DNAH6: variants seen among roughly 807,000 people sequenced by gnomAD.
DNAH6 encodes the protein axonemal beta dynein heavy chain 6.
Under a neutral mutation model 491.4 loss-of-function variants are expected in DNAH6, and 340 were observed. That is an observed-to-expected ratio of 0.69 (90% confidence interval 0.63 to 0.76). DNAH6 has a LOEUF of 0.76. DNAH6 is among the 30% of genes least tolerant of loss of function. DNAH6 has a pLI of 0.00. For synonymous variants in DNAH6, 1,603 were observed against 1,686.1 expected (o/e 0.95, Z 1.21); for missense variants, 4,443 against 4,972.2 (o/e 0.89, Z 3.20).
intron 4 of DNAH6, among the ~76,000 whole-genome samples, chr2:84,539,993 C>T (rs1678084775): frequency 6.6e-6 from 1 of 152,130 alleles, no homozygotes. Flanking sequence ...TCTTCCCAAG[C>T]ACTTGCTTGC....
rs1692800503 is a variant in DNAH6, at chr2:84,672,196, A to C, written c.6455-131A>C. The C allele has an allele frequency of 1.1e-5, 10 of 871,240 alleles. No homozygotes were observed. In the South Asian group the frequency reaches 1.9e-4, roughly 16 times the overall value. The allele number at this position is 871,240 out of a possible 1,614,324, so 54.0% of individuals were successfully genotyped here. On this transcript the variant is annotated intron_variant, in intron 39 of 76. Coordinates refer to ENST00000389394, the MANE Select transcript of DNAH6 (RefSeq NM_001370.2). ...GCCAGAAGGAAGTCTCTCCTCCTCC[A>C]GGCAGGACTCAGAACTGAGCTCTTT...
rs1294624714 is a variant in DNAH6, at chr2:84,699,729, G to A, written c.7813G>A (p.Val2605Met). Residue 2605 changes from valine (V) to methionine (M), a missense_variant, in exon 48 of 77, where the codon GTG becomes ATG. By Grantham distance (21) the Val-to-Met change is conservative. Around this residue, in one of 3 missense-constraint regions of DNAH6, gnomAD observed 2,977 missense variants for 3,296.6 expected, o/e 0.90. Transcript: ENST00000389394. ...GAATTGCTGCACCATTGACTGGTTT[G>A]TGCAGGTTGGTGACATCCCAGGATA... is the stretch of plus-strand genomic sequence containing the variant. ...LVNCCTIDWF[V>M]QWPREALLSV... 6.4e-6 allele frequency: 10 copies of A among 1,550,808 alleles called. No homozygotes were observed. The South Asian group carries it at 8.4e-5, about 13-fold the overall frequency.
chr2:84,522,547 GT>G (rs200530960), intron 2 of DNAH6, among the ~76,000 whole-genome samples: 1,850 of 152,176 alleles, frequency 0.012, 39 homozygotes, highest in African/African-American at 0.042. Context: ...TCCTTATCTT[GT>G]GCCGGTTTTC....
At chr2:84,745,962 A>G (rs1672938369) in intron 63 of DNAH6, among the ~76,000 whole-genome samples, 1 of 152,212 alleles carries the variant, frequency 6.6e-6, no homozygotes, top group African/African-American at 2.4e-5. Flanking sequence ...GAATTAAGAC[A>G]GAGGTAGTAG....
intron 29 of DNAH6, among the ~76,000 whole-genome samples, chr2:84,625,500 T>A (rs1022844975): frequency 2.6e-5 from 4 of 152,198 alleles, no homozygotes; most frequent in African/African-American, 9.6e-5. Flanking sequence ...TTTTTGGTCA[T>A]GGGACCCCTT....
intron 22 of DNAH6, among the ~76,000 whole-genome samples, chr2:84,614,127 C>G (rs1212327295): frequency 2.1e-5 from 3 of 140,368 alleles, no homozygotes; most frequent in Admixed American, 1.3e-4. Flanking sequence ...GTGCACCCAC[C>G]ACCCGCACAG....
intron 31 of DNAH6, among the ~76,000 whole-genome samples, chr2:84,639,727 A>G (rs1459201320): frequency 6.6e-6 from 1 of 152,072 alleles, no homozygotes; most frequent in African/African-American, 2.4e-5. Flanking sequence ...GCCTGTTAGT[A>G]AATATTTTTA....
At position 84,697,570 on chromosome 2, in the gene DNAH6, T is replaced by C; in HGVS notation, c.7525-5T>C. The stretch of plus-strand genomic sequence containing the variant: ...AGTTGTAATGATCACTGCTTTCTTC[T>C]ACAGATTGTAGTGGAGGAGTTCCTA... On this transcript the variant is annotated splice_polypyrimidine_tract_variant and splice_region_variant and intron_variant, in intron 46 of 76. Coordinates refer to ENST00000389394, the MANE Select transcript of DNAH6 (RefSeq NM_001370.2). The C allele has an allele frequency of 1.3e-6, 2 of 1,549,764 alleles. No homozygotes were observed. Among genetic ancestry groups the C allele is most frequent in the South Asian group, 2.4e-5 (2 of 83,626 alleles).
chr2:84,459,589 C>A, the DNAH6 span: 7 of 269,484 alleles, frequency 2.6e-5, no homozygotes, highest in Admixed American at 1.6e-4. Context: ...TTGAGTGAGG[C>A]GGCGGGAAGG....
chr2:84,567,625 T>TA (rs1681347609), intron 11 of DNAH6, among the ~76,000 whole-genome samples: 1 of 152,156 alleles, frequency 6.6e-6, no homozygotes, highest in South Asian at 2.1e-4. Context: ...ACCCCTTCCT[T>TA]ACACCTTATA....
Position 84,709,398 on chromosome 2 carries a change from C to T in DNAH6, c.9104C>T (p.Ser3035Phe). Residue 3035 changes from serine to phenylalanine, a missense_variant, in exon 55 of 77, where the codon TCC becomes TTC. Around this residue, in one of 3 missense-constraint regions of DNAH6, gnomAD observed 1,463 missense variants for 1,656.6 expected, o/e 0.88. Transcript: ENST00000389394. Reference protein sequence around the residue: ...CQSLEIPIDPSFSLINILGDP... With the variant: ...CQSLEIPIDPFFSLINILGDP... ...TCTCTGGAGATCCCAATCGATCCTT[C>T]CTTCAGTCTCATTAACATTCTTGGA... 1.9e-6 allele frequency: 3 copies of T among 1,551,678 alleles called. No homozygotes were observed. Among genetic ancestry groups the T allele is most frequent in the Non-Finnish European group, 2.6e-6 (3 of 1,147,000 alleles).
intron 41 of DNAH6, among the ~76,000 whole-genome samples, chr2:84,680,855 G>A (rs1370752698): frequency 2.6e-5 from 4 of 152,116 alleles, no homozygotes; most frequent in Admixed American, 6.5e-5. Flanking sequence ...GGTGTATAAA[G>A]AGACTTCCAA....
intron 68 of DNAH6, among the ~76,000 whole-genome samples, chr2:84,793,365 GAT>G (rs1325496103): frequency 3.3e-5 from 5 of 152,192 alleles, no homozygotes; most frequent in African/African-American, 1.2e-4. Flanking sequence ...CATGAAAAAG[GAT>G]AGAGTCAAAT....
rs565994829 is a variant in DNAH6 at position 84,684,101 on chromosome 2, A to G, written c.6917-1225A>G. On this transcript the variant is annotated intron_variant, in intron 42 of 76. Coordinates refer to ENST00000389394, the MANE Select transcript of DNAH6 (RefSeq NM_001370.2). ...CCTGAAGGACTCTCAAAGCTGGCACACCATCCTTGCCACAGGATGACAAAA... is the reference window on the plus strand; with the variant it reads ...CCTGAAGGACTCTCAAAGCTGGCACGCCATCCTTGCCACAGGATGACAAAA... 4.6e-3 allele frequency among the ~76,000 whole-genome samples: 708 copies of G among 152,320 alleles called. 6 individuals are homozygous for G. The highest frequency in any genetic ancestry group is 4.3e-3 in the Non-Finnish European group (290 of 68,032).
rs1201846574 is a variant in DNAH6, at chr2:84,705,625, G to GA, written c.8610dup (p.Val2871SerfsTer9). ...TATTAATAATCCTGATTTTGTGCCT[G>GA]AAAAAGTGGAGAAAGTGTCCAAAGC... On this transcript the variant is annotated frameshift_variant, in exon 52 of 77. Transcript: ENST00000389394. LOFTEE classifies it high-confidence loss of function. 2 of 1,551,456 alleles carry GA rather than the reference G, an allele frequency of 1.3e-6. No homozygotes were observed. Among genetic ancestry groups the GA allele is most frequent in the African/African-American group, 1.4e-5 (1 of 73,000 alleles).
At chr2:84,619,458 A>G (rs531421016) in intron 23 of DNAH6, among the ~76,000 whole-genome samples, 3 of 152,154 alleles carry the variant, frequency 2.0e-5, no homozygotes, top group Non-Finnish European at 4.4e-5. Context: ...TATGTACTAG[A>G]CACTAATTCT....
chr2:84,777,659 C>T (rs1041107342), intron 64 of DNAH6: 3 of 813,118 alleles, frequency 3.7e-6, no homozygotes, highest in African/African-American at 3.3e-5. Context: ...TACAGGCACA[C>T]TGGAATCTCC....
chr2:84,819,315 C>T lies in DNAH6; in HGVS notation c.12384C>T (p.Thr4128=), dbSNP rs1018006694. ...AGTLSTTGHS[T]NFVVTVLLPS... ...TATATCCTTAATTAGGACATTCAAC[C>T]AATTTTGTGGTAACCGTCCTGTTAC... is the stretch of plus-strand genomic sequence containing the variant. The change falls in exon 77 of 77, where the codon ACC becomes ACT. Residue 4128 remains threonine, a synonymous_variant. Transcript: ENST00000389394. 1 of 1,548,988 alleles carries T rather than the reference C, an allele frequency of 6.5e-7. No homozygotes were observed. The highest frequency in any genetic ancestry group is 8.7e-7 in the Non-Finnish European group (1 of 1,145,746).
chr2:84,651,284 A>G (rs574290619), intron 33 of DNAH6, among the ~76,000 whole-genome samples: 48 of 152,258 alleles, frequency 3.2e-4, no homozygotes, highest in African/African-American at 1.0e-3. Context: ...TATGGTCTAC[A>G]CTAATACCAA....
Sources: allele counts gnomAD v4.1 joint callset (sites outside exome capture counted in the v4.1 genomes callset), GRCh38; gene constraint gnomAD v4.1.1; regional missense constraint gnomAD v4.1.1; transcripts MANE v1.5; gene names NCBI Gene and HGNC (gene_info 2026-07-23, HGNC 2026-07-21).